The following SV2C variants were observed in gnomAD, a reference collection of about 807,000 sequenced individuals.
SV2C encodes solute carrier family 22 member B3.
In SV2C, 49 loss-of-function variants were observed where a neutral mutation model predicts 79.7. The ratio of observed to expected loss-of-function variants is 0.61; its 90% CI spans 0.49 to 0.78. The LOEUF (loss-of-function observed/expected upper bound fraction) is 0.78. SV2C is among the 30% of genes least tolerant of loss of function. The pLI is 0.00. For missense variants in SV2C, 833 were observed against 912.9 expected (o/e 0.91, Z 1.13); for synonymous variants, 334 against 333.2 (o/e 1.00, Z -0.03).
At chr5:76,126,900 A>G (rs1748723084) in intron 1 of SV2C, among the ~76,000 whole-genome samples, 1 of 152,172 alleles carries the variant, frequency 6.6e-6, no homozygotes, top group Non-Finnish European at 1.5e-5. Context: ...TTATCTGTGA[A>G]GTGGGCATTT....
At chr5:76,243,468 G>A (rs886286212) in intron 4 of SV2C, among the ~76,000 whole-genome samples, 2 of 152,256 alleles carry the variant, frequency 1.3e-5, no homozygotes, top group African/African-American at 2.4e-5. Flanking sequence ...TTGCCATAAT[G>A]CTTTTGACTG....
At chr5:76,058,068 T>G in the SV2C span, among the ~76,000 whole-genome samples, 4 of 152,304 alleles carry the variant, frequency 2.6e-5, no homozygotes, top group South Asian at 8.3e-4. Context: ...ATTTCATTTC[T>G]TCTTTCATTT....
chr5:76,267,781 G>A (rs6859816), intron 4 of SV2C, among the ~76,000 whole-genome samples: 68,687 of 152,070 alleles, frequency 0.45, 16,062 homozygotes, highest in South Asian at 0.56. Context: ...GACAACAGGG[G>A]TGAGGAGGGG....
Position 76,328,277 on chromosome 5 carries a change from T to A in SV2C, c.*2730T>A, listed in dbSNP as rs1485286197. 2 of 152,096 alleles carry A rather than the reference T, an allele frequency of 1.3e-5. No individual in the cohort carries two copies. The highest frequency in any genetic ancestry group is 1.3e-4 in the Admixed American group (2 of 15,264). The allele number at this position is 152,096 out of a possible 1,614,324, so 9.4% of individuals were successfully genotyped here. On this transcript the variant is annotated 3_prime_UTR_variant, in exon 13 of 13. Transcript: ENST00000502798. ...CCTACAGTAGAAGGAAAATGAAAAT[T>A]TGTACAAAAATGAAAACCTAGGAAA...
chr5:76,201,859 A>G (rs559002485), intron 3 of SV2C, among the ~76,000 whole-genome samples: 1 of 152,162 alleles, frequency 6.6e-6, no homozygotes, highest in South Asian at 2.1e-4. Flanking sequence ...TCTACTAAAA[A>G]TACAAAAAAT....
chr5:75,957,948 T>C, the SV2C span, among the ~76,000 whole-genome samples: 1 of 151,982 alleles, frequency 6.6e-6, no homozygotes, highest in Non-Finnish European at 1.5e-5. Context: ...GGAATACTGT[T>C]CCATCCTATT....
At chr5:76,280,668 G>C (rs1287855279) in intron 4 of SV2C, among the ~76,000 whole-genome samples, 1 of 152,214 alleles carries the variant, frequency 6.6e-6, no homozygotes, top group Non-Finnish European at 1.5e-5. Context: ...CCGGCTCCGA[G>C]GTGGCCTGGC....
intron 1 of SV2C, among the ~76,000 whole-genome samples, chr5:76,097,830 T>G (rs1230013420): frequency 6.6e-6 from 1 of 152,176 alleles, no homozygotes; most frequent in Non-Finnish European, 1.5e-5. Flanking sequence ...GGGAACATGT[T>G]CTTTCTGTGA....
At chr5:76,225,203 A>G (rs1276540445) in intron 4 of SV2C, among the ~76,000 whole-genome samples, 1 of 152,230 alleles carries the variant, frequency 6.6e-6, no homozygotes, top group Admixed American at 6.5e-5. Context: ...TATGCAGTGA[A>G]GTAATTCCTA....
chr5:75,989,557 A>C, the SV2C span, among the ~76,000 whole-genome samples: 1 of 151,820 alleles, frequency 6.6e-6, no homozygotes, highest in Non-Finnish European at 1.5e-5. Flanking sequence ...GGTTGATTCT[A>C]TGTCTTTGCT....
intron 1 of SV2C, among the ~76,000 whole-genome samples, chr5:76,117,024 T>C (rs536747335): frequency 6.6e-6 from 1 of 152,272 alleles, no homozygotes; most frequent in African/African-American, 2.4e-5. Context: ...GTCAGCATGG[T>C]TCAGAGCCTT....
chr5:76,099,803 A>C (rs996324619), intron 1 of SV2C, among the ~76,000 whole-genome samples: 1 of 152,204 alleles, frequency 6.6e-6, no homozygotes, highest in African/African-American at 2.4e-5. Flanking sequence ...CCTTCTCTTC[A>C]TCCGAGCTGA....
At chr5:76,133,112 G>A (rs1019520918) in intron 2 of SV2C, among the ~76,000 whole-genome samples, 6 of 152,152 alleles carry the variant, frequency 3.9e-5, no homozygotes, top group Non-Finnish European at 8.8e-5. Context: ...CCGAGTTTGT[G>A]CAAGGGAAAA....
At chr5:75,915,174 A>G in the SV2C span, among the ~76,000 whole-genome samples, 1 of 152,184 alleles carries the variant, frequency 6.6e-6, no homozygotes, top group Non-Finnish European at 1.5e-5. Flanking sequence ...CAGTCAAACC[A>G]TATCACCATT....
chr5:76,249,340 A>G (rs960141914), intron 4 of SV2C, among the ~76,000 whole-genome samples: 4 of 152,236 alleles, frequency 2.6e-5, no homozygotes, highest in Admixed American at 6.5e-5. Flanking sequence ...AATGCATTCA[A>G]ACAAGAAATG....
the SV2C span, among the ~76,000 whole-genome samples, chr5:75,969,160 A>G: frequency 3.3e-5 from 5 of 152,240 alleles, no homozygotes; most frequent in South Asian, 8.3e-4. Flanking sequence ...TGCCCTAAAA[A>G]AGCTCCTGAA....
the SV2C span, among the ~76,000 whole-genome samples, chr5:75,971,124 A>G: frequency 1.2e-4 from 19 of 152,042 alleles, no homozygotes; most frequent in African/African-American, 4.4e-4. Context: ...AAATTCAACA[A>G]CGCTTCATGC....
chr5:75,910,699 A>C, the SV2C span: 3 of 1,330,774 alleles, frequency 2.3e-6, no homozygotes, highest in Non-Finnish European at 3.2e-6. Flanking sequence ...AGGCAGAGGA[A>C]GAGTTCAACA....
intron 3 of SV2C, among the ~76,000 whole-genome samples, chr5:76,195,973 C>G (rs1744259873): frequency 1.3e-5 from 2 of 151,380 alleles, no homozygotes; most frequent in Non-Finnish European, 2.9e-5. Flanking sequence ...ACTTTTTTTT[C>G]AAGATGTCTA....
Sources: allele counts gnomAD v4.1 joint callset (sites outside exome capture counted in the v4.1 genomes callset), GRCh38; gene constraint gnomAD v4.1.1; transcripts MANE v1.5; gene names NCBI Gene and HGNC (gene_info 2026-07-23, HGNC 2026-07-21).